The following UBE2D2 variants were observed in gnomAD, a reference collection of about 807,000 sequenced individuals.
The protein encoded by UBE2D2 is ubiquitin conjugating enzyme E2 D2.
In UBE2D2, 2 loss-of-function variants were observed where a neutral mutation model predicts 24.2. The ratio of observed to expected loss-of-function variants is 0.08; its 90% CI spans 0.03 to 0.26. UBE2D2 has a LOEUF of 0.26. Ranked by LOEUF, UBE2D2 falls within the 10% of genes least tolerant of loss-of-function variation. UBE2D2 has a pLI of 1.00. For missense variants in UBE2D2, 44 were observed against 177.6 expected (o/e 0.25, Z 4.28); for synonymous variants, 58 against 56.5 (o/e 1.03, Z -0.12).
chr5:139,539,167 G>C (rs569348940), intron 1 of UBE2D2, among the ~76,000 whole-genome samples: 1 of 151,818 alleles, frequency 6.6e-6, no homozygotes, highest in East Asian at 2.0e-4. Flanking sequence ...TGGGATTACA[G>C]GCGCCCACCA....
Position 139,564,757 on chromosome 5 carries a change from C to G in UBE2D2, c.24+2942C>G, listed in dbSNP as rs1753182492. ...ATGTGAGCCACGTCATCTGGCCTGG[C>G]CTGAACTTTTAGAATTCAATATTAA... On this transcript the variant is annotated intron_variant, in intron 1 of 6. Coordinates refer to ENST00000398733, the MANE Select transcript of UBE2D2 (RefSeq NM_003339.3). 2.0e-5 allele frequency among the ~76,000 whole-genome samples: 3 copies of G among 152,136 alleles called. No individual in the cohort carries two copies. The South Asian group carries it at 6.2e-4, about 31-fold the overall frequency.
intron 1 of UBE2D2, among the ~76,000 whole-genome samples, chr5:139,589,558 C>CA (rs1436012041): frequency 6.6e-6 from 1 of 151,894 alleles, no homozygotes; most frequent in African/African-American, 2.4e-5. Flanking sequence ...AAAAAATAGC[C>CA]AAAAAACAAC....
At chr5:139,533,722 G>A (rs950736008) in intron 1 of UBE2D2, among the ~76,000 whole-genome samples, 11 of 151,880 alleles carry the variant, frequency 7.2e-5, no homozygotes, top group Non-Finnish European at 1.0e-4. Context: ...TACTGGGAGC[G>A]TCAGAAAACA....
At chr5:139,611,309 C>A (rs931602268) in intron 2 of UBE2D2, among the ~76,000 whole-genome samples, 3 of 151,278 alleles carry the variant, frequency 2.0e-5, no homozygotes, top group Non-Finnish European at 4.4e-5. Flanking sequence ...GCCTCAGCCT[C>A]CTGAGTAGCT....
intron 1 of UBE2D2, among the ~76,000 whole-genome samples, chr5:139,535,184 C>T (rs887351679): frequency 4.0e-5 from 6 of 150,966 alleles, no homozygotes; most frequent in Non-Finnish European, 7.4e-5. Context: ...TGGTGGCTCA[C>T]GCCTGTAATC....
chr5:139,585,885 C>T (rs890706498), intron 1 of UBE2D2, among the ~76,000 whole-genome samples: 15 of 129,378 alleles, frequency 1.2e-4, no homozygotes, highest in Middle Eastern at 4.8e-3. Flanking sequence ...TGCAGTGAGT[C>T]GAGATTGTGC....
chr5:139,591,040 G>A lies in UBE2D2; in HGVS notation c.25-9332G>A, dbSNP rs542527011. Among the ~76,000 whole-genome samples the A allele has an allele frequency of 3.6e-4, 53 of 145,412 alleles. No homozygotes were observed. In the South Asian group the frequency reaches 9.5e-3, roughly 26 times the overall value. ...TCGAACTCCTGACCTCAGGTGATCC[G>A]CCTGCCTCAACATCCCAAAGTGCTG... On this transcript the variant is annotated intron_variant, in intron 1 of 6. Coordinates refer to ENST00000398733, the MANE Select transcript of UBE2D2 (RefSeq NM_003339.3).
chr5:139,619,945 G>A (rs1279547691), intron 5 of UBE2D2, among the ~76,000 whole-genome samples: 3 of 152,106 alleles, frequency 2.0e-5, no homozygotes, highest in East Asian at 3.8e-4. Flanking sequence ...CGGAGTCCTC[G>A]GGAGCTTTTA....
intron 1 of UBE2D2, among the ~76,000 whole-genome samples, chr5:139,533,808 A>T (rs1351261834): frequency 6.8e-6 from 1 of 147,762 alleles, no homozygotes; most frequent in Non-Finnish European, 1.5e-5. Flanking sequence ...TTTGAGACGG[A>T]GTCTCACTCT....
chr5:139,540,422 T>C (rs1752741398), intron 1 of UBE2D2, among the ~76,000 whole-genome samples: 1 of 151,610 alleles, frequency 6.6e-6, no homozygotes, highest in South Asian at 2.1e-4. Flanking sequence ...GGCGGGCGCC[T>C]GTAGTCTCAG....
intron 1 of UBE2D2, among the ~76,000 whole-genome samples, chr5:139,533,816 T>C (rs1752628698): frequency 6.7e-6 from 1 of 149,012 alleles, no homozygotes; most frequent in African/African-American, 2.5e-5. Flanking sequence ...GGAGTCTCAC[T>C]CTGTCACCCA....
At chr5:139,527,267 C>G (rs182023032) in intron 1 of UBE2D2, among the ~76,000 whole-genome samples, 50 of 152,214 alleles carry the variant, frequency 3.3e-4, no homozygotes, top group Admixed American at 2.0e-3. Flanking sequence ...TAGACAGTTA[C>G]AGCTGGTTTT....
chr5:139,578,380 G>A (rs1753525024), intron 1 of UBE2D2, among the ~76,000 whole-genome samples: 1 of 151,704 alleles, frequency 6.6e-6, no homozygotes. Context: ...CATTCACTTA[G>A]TTATTTTCTG....
chr5:139,613,735 T>C (rs1487509053), intron 2 of UBE2D2, among the ~76,000 whole-genome samples: 22 of 152,216 alleles, frequency 1.4e-4, no homozygotes. Context: ...CAGTCTTTCT[T>C]AATTTGAGTA....
rs1218029059 is a variant in UBE2D2 at position 139,550,529 on chromosome 5, C to T, written c.-64+23917C>T. Among the ~76,000 whole-genome samples the T allele has an allele frequency of 3.3e-5, 5 of 152,268 alleles. No homozygotes were observed. In the South Asian group the frequency reaches 6.2e-4, roughly 19 times the overall value. The stretch of plus-strand genomic sequence containing the variant: ...AGGGAATAAAAGCAGGCTGCCTGCG[C>T]TAGTAGTGGCAACTGGCTCAGGTTC... On this transcript the variant is annotated intron_variant, in intron 1 of 6. Coordinates refer to the UBE2D2 transcript ENST00000511725.
At chr5:139,607,752 ATCCC>A (rs1226394727) in intron 2 of UBE2D2, among the ~76,000 whole-genome samples, 2 of 152,212 alleles carry the variant, frequency 1.3e-5, no homozygotes, top group African/African-American at 4.8e-5. Flanking sequence ...CATGCCTGTA[ATCCC>A]AGCACTTTGG....
At chr5:139,594,557 G>A (rs1271720497) in intron 1 of UBE2D2, among the ~76,000 whole-genome samples, 1 of 151,894 alleles carries the variant, frequency 6.6e-6, no homozygotes, top group Non-Finnish European at 1.5e-5. Flanking sequence ...GGAATTAGAG[G>A]CACACACCAC....
intron 5 of UBE2D2, among the ~76,000 whole-genome samples, chr5:139,616,558 G>A (rs550887703): frequency 2.6e-5 from 4 of 152,068 alleles, no homozygotes; most frequent in South Asian, 2.1e-4. Flanking sequence ...TGAATGTTAC[G>A]TTCCTATTTT....
chr5:139,607,724 C>T (rs1448528235), intron 2 of UBE2D2, among the ~76,000 whole-genome samples: 1 of 152,066 alleles, frequency 6.6e-6, no homozygotes, highest in African/African-American at 2.4e-5. Flanking sequence ...TAAGAATGTT[C>T]GGCATGGTAC....
Sources: allele counts gnomAD v4.1 joint callset (sites outside exome capture counted in the v4.1 genomes callset), GRCh38; gene constraint gnomAD v4.1.1; transcripts MANE v1.5; gene names NCBI Gene and HGNC (gene_info 2026-07-23, HGNC 2026-07-21).